Variants in KATNAL2 observed in about 807,000 individuals in gnomAD.
KATNAL2 encodes the protein katanin catalytic subunit A1 like 2.
Under a neutral mutation model 76.3 loss-of-function variants are expected in KATNAL2, and 52 were observed. The observed-to-expected ratio is 0.68, with a 90% CI of 0.55 to 0.86. KATNAL2 has a LOEUF of 0.86. Among genes scored for constraint, KATNAL2 ranks in the 40% least tolerant of loss-of-function variants. KATNAL2 has a pLI of 0.00. For missense variants in KATNAL2, 660 were observed against 668.9 expected, an observed-to-expected ratio of 0.99 and a Z score of 0.15; for synonymous variants, 243 against 244.2, an observed-to-expected ratio of 1.00 and a Z score of 0.05.
chr18:47,075,690 T>C (rs921340562), intron 14 of KATNAL2, among the ~76,000 whole-genome samples: 5 of 152,200 alleles, frequency 3.3e-5, no homozygotes, highest in Non-Finnish European at 7.3e-5. Context: ...AAATAGCCGC[T>C]GTGATGGCCT....
At position 47,077,374 on chromosome 18, in the gene KATNAL2, G is replaced by C. The variant is rs751573875; in HGVS notation, c.1124G>C (p.Arg375Pro). 9 of 1,613,808 alleles carry C rather than the reference G, an allele frequency of 5.6e-6. No individual in the cohort carries two copies. Among genetic ancestry groups the C allele is most frequent in the Non-Finnish European group, 5.1e-6 (6 of 1,179,736 alleles). The change falls in exon 15 of 18, where the codon CGG becomes CCG. Residue 375 changes from arginine to proline, a missense_variant. By Grantham distance (103) the Arg-to-Pro change is moderately radical. Transcript: ENST00000683218. ...AGGGGAGAACATGAAGGAAGCCTGCGGATGAAGACAGAGTTACTGGTGCAG... is the reference window on the plus strand; with the variant it reads ...AGGGGAGAACATGAAGGAAGCCTGCCGATGAAGACAGAGTTACTGGTGCAG... ...ASGGEHEGSL[R>P]MKTELLVQMD...
At chr18:46,934,208 C>T (rs1257137070) in intron 1 of KATNAL2, among the ~76,000 whole-genome samples, 3 of 152,122 alleles carry the variant, frequency 2.0e-5, no homozygotes, top group South Asian at 4.1e-4. Flanking sequence ...TTCTAGATCT[C>T]TGAGGAATCG....
intron 3 of KATNAL2, among the ~76,000 whole-genome samples, chr18:46,955,868 T>C (rs1431011213): frequency 1.3e-5 from 2 of 152,184 alleles, no homozygotes; most frequent in Non-Finnish European, 2.9e-5. Context: ...CATAGATTTT[T>C]TATTCCTTTA....
intron 1 of KATNAL2, among the ~76,000 whole-genome samples, chr18:46,933,015 G>C (rs181257428): frequency 6.6e-6 from 1 of 151,934 alleles, no homozygotes; most frequent in East Asian, 1.9e-4. Context: ...CGCCCTCCTC[G>C]GCCTCCAAAA....
intron 1 of KATNAL2, among the ~76,000 whole-genome samples, chr18:46,924,735 T>C (rs2058675902): frequency 6.6e-6 from 1 of 152,210 alleles, no homozygotes; most frequent in South Asian, 2.1e-4. Context: ...CATTTGTTTG[T>C]ATCCTCTTGT....
rs576448625 is a variant in KATNAL2 at position 47,041,332 on chromosome 18, C to G, written c.52-5125C>G. Among the ~76,000 whole-genome samples the G allele has an allele frequency of 5.1e-4, 78 of 152,270 alleles. 1 individual carries two copies. Among genetic ancestry groups the G allele is most frequent in the Non-Finnish European group, 1.0e-3 (71 of 68,002 alleles). On this transcript the variant is annotated intron_variant, in intron 3 of 17. Transcript: ENST00000683218. ...TATCATATAGAATGGTTTCGCTGCC[C>G]TAGAAATCTTGTACTCTACCTATTC...
intron 11 of KATNAL2, 103 bp from the exon 12 acceptor site, chr18:47,069,117 G>C (rs933820774): frequency 2.3e-5 from 18 of 778,112 alleles, no homozygotes; most frequent in Non-Finnish European, 3.4e-5. Flanking sequence ...CTGAATCTTA[G>C]AGCTGTGCTG....
chr18:46,940,922 G>A (rs1428093011), intron 1 of KATNAL2, among the ~76,000 whole-genome samples: 1 of 152,084 alleles, frequency 6.6e-6, no homozygotes, highest in African/African-American at 2.4e-5. Flanking sequence ...ATAGTTGGGA[G>A]GCTGAGGTGG....
At chr18:47,038,565 G>T (rs138206859) in intron 3 of KATNAL2, among the ~76,000 whole-genome samples, 1 of 152,094 alleles carries the variant, frequency 6.6e-6, no homozygotes, top group Non-Finnish European at 1.5e-5. Context: ...ACAGGTATGC[G>T]CATTTTTCTC....
At chr18:47,058,431 A>G (rs2061533210) in intron 7 of KATNAL2, 79 bp downstream of exon 7, 1 of 826,522 alleles carries the variant, frequency 1.2e-6, no homozygotes, top group Non-Finnish European at 2.0e-6. Flanking sequence ...ACATTTATTT[A>G]TTTTTTGAGG....
At chr18:47,056,773 T>A (rs553573803) in intron 6 of KATNAL2, among the ~76,000 whole-genome samples, 1 of 152,170 alleles carries the variant, frequency 6.6e-6, no homozygotes, top group South Asian at 2.1e-4. Flanking sequence ...TCCTGCCAGC[T>A]CCACAAGGAT....
chr18:46,944,929 A>AAAAT lies in KATNAL2; in HGVS notation c.-509-1108_-509-1105dup, dbSNP rs555174975. 8.2e-3 allele frequency among the ~76,000 whole-genome samples: 1,242 copies of AAAAT among 152,152 alleles called. 2 individuals are homozygous for AAAAT. The highest frequency in any genetic ancestry group is 0.013 in the African/African-American group (529 of 41,516). On this transcript the variant is annotated intron_variant, in intron 1 of 17. Coordinates refer to ENST00000683218, the MANE Select transcript of KATNAL2 (RefSeq NM_001387690.1). Reference sequence around the variant, plus strand: ...GCAACAGAGCAAGACTCTGTCTCAAAAAATAAATAAATAAATAAATAAAGT... The same window carrying AAAAT: ...GCAACAGAGCAAGACTCTGTCTCAAAAAATAAATAAATAAATAAATAAATAAAGT...
chr18:46,959,096 A>G (rs1175585347), intron 3 of KATNAL2, among the ~76,000 whole-genome samples: 1 of 152,262 alleles, frequency 6.6e-6, no homozygotes, highest in Non-Finnish European at 1.5e-5. Context: ...ATTTAATTAC[A>G]TCAGTGCTTT....
rs763523435 is a variant in KATNAL2 at position 47,100,364 on chromosome 18, T to C, written c.1477+8T>C. The stretch of plus-strand genomic sequence containing the variant: ...TTGAAAATCACCAGTCAGGTATGGG[T>C]TGGATCACCATGAAGGTGTTCCAGG... On this transcript the variant is annotated splice_region_variant and intron_variant, in intron 17 of 17. Coordinates refer to ENST00000683218, the MANE Select transcript of KATNAL2 (RefSeq NM_001387690.1). The C allele has an allele frequency of 3.7e-6, 6 of 1,607,700 alleles. No individual in the cohort carries two copies. Among genetic ancestry groups the C allele is most frequent in the African/African-American group, 2.7e-5 (2 of 74,920 alleles).
intron 3 of KATNAL2, chr18:47,032,948 G>C (rs978942339): frequency 1.6e-5 from 26 of 1,612,708 alleles, no homozygotes; most frequent in Non-Finnish European, 2.1e-5. Flanking sequence ...AACCCGCATT[G>C]ACTTTGCCAA....
At chr18:47,077,259 C>A in intron 14 of KATNAL2, 92 bp from the exon 15 acceptor site, 2 of 950,316 alleles carry the variant, frequency 2.1e-6, no homozygotes, top group East Asian at 2.4e-5. Context: ...AGAAACTGTT[C>A]TACAGTCACA....
At chr18:47,060,617 G>GCTT (rs2061603423) in intron 8 of KATNAL2, among the ~76,000 whole-genome samples, 1 of 152,156 alleles carries the variant, frequency 6.6e-6, no homozygotes, top group South Asian at 2.1e-4. Context: ...AGTTCTTTAA[G>GCTT]CTTCTTCTTT....
chr18:47,043,245 A>AAAAAAAAAAAAAATAAAT (rs376877321), intron 3 of KATNAL2, among the ~76,000 whole-genome samples: 7 of 93,176 alleles, frequency 7.5e-5, no homozygotes, highest in Non-Finnish European at 1.5e-4. Flanking sequence ...AAAAAAAAAA[A>AAAAAAAAAAAAAATAAAT]GAGATCCTAA....
At position 47,102,147 on chromosome 18, in the gene KATNAL2, T is replaced by G. The variant is rs938652668; in HGVS notation, c.*1142T>G. 2.4e-4 allele frequency: 37 copies of G among 152,260 alleles called. 1 individual carries two copies. Among genetic ancestry groups the G allele is most frequent in the Non-Finnish European group, 7.3e-5 (5 of 68,054 alleles). 9.4% of individuals were successfully genotyped at this position (152,260 alleles called of 1,614,324 possible). On this transcript the variant is annotated 3_prime_UTR_variant, in exon 18 of 18. Transcript: ENST00000683218. ...TTTTCGGTATCGATTATTTTGAGATTATTCTCAAATGCCTCTTTAAACATC... is the reference window on the plus strand; with the variant it reads ...TTTTCGGTATCGATTATTTTGAGATGATTCTCAAATGCCTCTTTAAACATC...
Sources: gnomAD v4.1 joint callset for allele counts (sites outside exome capture counted in the v4.1 genomes callset) on GRCh38, gnomAD v4.1.1 for gene constraint, MANE v1.5 for transcripts, NCBI Gene and HGNC (gene_info 2026-07-23, HGNC 2026-07-21) for gene names.